Variants in GALK2 observed in about 807,000 individuals in gnomAD.
GALK2 encodes N-acetylgalactosamine kinase.
In GALK2, 36 loss-of-function variants were observed where a neutral mutation model predicts 52.4. That is an observed-to-expected ratio of 0.69 (90% CI 0.53 to 0.91). The LOEUF is 0.91. Ranked by LOEUF, GALK2 falls within the 40% of genes least tolerant of loss-of-function variation. The pLI, the probability that GALK2 is intolerant of heterozygous loss-of-function variation, is 0.00. For missense variants in GALK2, 579 were observed against 559.1 expected (o/e 1.04, Z -0.36); for synonymous variants, 176 against 199.1 (o/e 0.88, Z 0.98).
chr15:49,195,526 T>C (rs548944300), intron 1 of GALK2, among the ~76,000 whole-genome samples: 4 of 152,338 alleles, frequency 2.6e-5, no homozygotes, highest in Admixed American at 1.3e-4. Context: ...TTGGTTTTTG[T>C]TTTCGCATAT....
intron 1 of GALK2, chr15:49,178,774 A>G: frequency 4.7e-6 from 1 of 214,904 alleles, no homozygotes; most frequent in East Asian, 1.1e-4. Flanking sequence ...CCAGACGGAA[A>G]GGAAAGAGCC....
chr15:49,312,227 A>G (rs955913338), intron 8 of GALK2, among the ~76,000 whole-genome samples: 10 of 152,274 alleles, frequency 6.6e-5, no homozygotes, highest in African/African-American at 2.2e-4. Context: ...GTAGACTATT[A>G]CTTGTGGGGC....
At chr15:49,270,387 C>T (rs556598057) in intron 5 of GALK2, among the ~76,000 whole-genome samples, 1 of 152,064 alleles carries the variant, frequency 6.6e-6, no homozygotes, top group African/African-American at 2.4e-5. Context: ...AGTATTTTCC[C>T]TGGGGGTGCT....
At chr15:49,260,717 T>C (rs1187891824) in intron 5 of GALK2, among the ~76,000 whole-genome samples, 3 of 151,942 alleles carry the variant, frequency 2.0e-5, no homozygotes, top group African/African-American at 7.3e-5. Flanking sequence ...GTTTAAGTCT[T>C]TAATCCATCT....
At position 49,330,517 on chromosome 15, in the gene GALK2, T is replaced by C. The variant is rs1055020155; in HGVS notation, c.*2358T>C. 2 of 152,166 alleles carry C rather than the reference T, an allele frequency of 1.3e-5. No individual in the cohort carries two copies. The highest frequency in any genetic ancestry group is 1.3e-4 in the Admixed American group (2 of 15,278). 9.4% of individuals were successfully genotyped at this position (152,166 alleles called of 1,614,324 possible). The stretch of plus-strand genomic sequence containing the variant: ...GTCCAACATTTCTACAGGGCATCAA[T>C]GAACTAGGGCTGAGATAGTAGCTGC... On this transcript the variant is annotated 3_prime_UTR_variant, in exon 10 of 10. Coordinates refer to ENST00000560031, the MANE Select transcript of GALK2 (RefSeq NM_002044.4).
At chr15:49,180,188 C>T (rs2085851758) in intron 1 of GALK2, among the ~76,000 whole-genome samples, 1 of 152,118 alleles carries the variant, frequency 6.6e-6, no homozygotes, top group Non-Finnish European at 1.5e-5. Flanking sequence ...CTGCTGTTAG[C>T]ACTTCATGTT....
chr15:49,170,391 C>T lies in GALK2; in HGVS notation c.53+16C>T. On this transcript the variant is annotated intron_variant, in intron 1 of 9. Coordinates refer to ENST00000560031, the MANE Select transcript of GALK2 (RefSeq NM_002044.4). Reference sequence around the variant, plus strand: ...AACATCCTAGGTGGGGGAGAGGAGACGCCGGGCTTTGGGATCTGCTGGGTT... The same window carrying T: ...AACATCCTAGGTGGGGGAGAGGAGATGCCGGGCTTTGGGATCTGCTGGGTT... 1.3e-6 allele frequency: 2 copies of T among 1,579,742 alleles called. No individual in the cohort carries two copies. The highest frequency in any genetic ancestry group is 1.7e-6 in the Non-Finnish European group (2 of 1,163,210).
intron 3 of GALK2, among the ~76,000 whole-genome samples, chr15:49,355,237 G>A (rs972358407): frequency 6.6e-6 from 1 of 152,226 alleles, no homozygotes; most frequent in African/African-American, 2.4e-5. Flanking sequence ...AAAGCTGGAT[G>A]GAGAATGACT....
At chr15:49,239,106 T>C (rs1488252441) in intron 4 of GALK2, 115 bp from the exon 5 acceptor site, 6 of 801,612 alleles carry the variant, frequency 7.5e-6, no homozygotes, top group Non-Finnish European at 1.2e-5. Flanking sequence ...AAGTAGTTTC[T>C]ATAACTATTA....
intron 5 of GALK2, among the ~76,000 whole-genome samples, chr15:49,257,346 A>G (rs1444293659): frequency 2.0e-5 from 3 of 152,156 alleles, no homozygotes. Context: ...TGCCTCTTAC[A>G]TTCTCAGATG....
At chr15:49,225,471 G>T (rs996895710) in intron 3 of GALK2, 5 of 302,332 alleles carry the variant, frequency 1.7e-5, no homozygotes, top group Non-Finnish European at 3.3e-5. Context: ...GAGGGATCTA[G>T]GTTGCATGCT....
chr15:49,354,271 G>A (rs1424894926), intron 3 of GALK2, among the ~76,000 whole-genome samples: 1 of 152,206 alleles, frequency 6.6e-6, no homozygotes, highest in Non-Finnish European at 1.5e-5. Context: ...AACAGCTCCG[G>A]TCTACAGCTC....
intron 2 of GALK2, among the ~76,000 whole-genome samples, chr15:49,210,936 G>A (rs1390380406): frequency 1.4e-5 from 2 of 145,542 alleles, no homozygotes; most frequent in Admixed American, 7.0e-5. Flanking sequence ...TACTAGAGAC[G>A]GGGTTTCCCA....
At chr15:49,299,349 T>C (rs1036239615) in intron 8 of GALK2, among the ~76,000 whole-genome samples, 1 of 152,176 alleles carries the variant, frequency 6.6e-6, no homozygotes, top group African/African-American at 2.4e-5. Flanking sequence ...TTTGGTTTCG[T>C]TGATCTTTTG....
chr15:49,228,461 A>G (rs570446401), intron 3 of GALK2, among the ~76,000 whole-genome samples: 3 of 150,860 alleles, frequency 2.0e-5, no homozygotes, highest in East Asian at 2.0e-4. Context: ...CAAAAGAGCT[A>G]TCTTTAGGTA....
chr15:49,309,741 C>G (rs528336601), intron 8 of GALK2, among the ~76,000 whole-genome samples: 1 of 152,114 alleles, frequency 6.6e-6, no homozygotes, highest in South Asian at 2.1e-4. Context: ...ATGCCTCGGC[C>G]TCCTGAGTAG....
chr15:49,329,479 G>A lies in GALK2; in HGVS notation c.*1320G>A. The A allele has an allele frequency of 3.0e-6, 3 of 985,036 alleles. No homozygotes were observed. The highest frequency in any genetic ancestry group is 2.4e-6 in the Non-Finnish European group (2 of 829,672). 61.0% of individuals were successfully genotyped at this position (985,036 alleles called of 1,614,324 possible). A position where few individuals can be genotyped will look rare whatever the true frequency, so the allele number is the denominator to read the frequency against. On this transcript the variant is annotated 3_prime_UTR_variant, in exon 10 of 10. Coordinates refer to ENST00000560031, the MANE Select transcript of GALK2 (RefSeq NM_002044.4). ...CTCATTAATGTTTAACTCACAGATTGGGCATCACCATCTAGAATTTCAGTT... is the reference window on the plus strand; with the variant it reads ...CTCATTAATGTTTAACTCACAGATTAGGCATCACCATCTAGAATTTCAGTT...
At chr15:49,308,430 C>T (rs1156410161) in intron 8 of GALK2, among the ~76,000 whole-genome samples, 1 of 152,158 alleles carries the variant, frequency 6.6e-6, no homozygotes, top group Non-Finnish European at 1.5e-5. Context: ...TAATTATACA[C>T]GTACATGATA....
At chr15:49,265,672 C>A (rs2092334767) in intron 5 of GALK2, among the ~76,000 whole-genome samples, 2 of 152,252 alleles carry the variant, frequency 1.3e-5, no homozygotes, top group Non-Finnish European at 2.9e-5. Flanking sequence ...GTCGCTCACG[C>A]TGGGAGCTGT....
Sources: gnomAD v4.1 joint callset for allele counts (sites outside exome capture counted in the v4.1 genomes callset) on GRCh38, gnomAD v4.1.1 for gene constraint, MANE v1.5 for transcripts, NCBI Gene and HGNC (gene_info 2026-07-23, HGNC 2026-07-21) for gene names.